The following LDLRAP1 variants were observed in gnomAD, a reference collection of about 807,000 sequenced individuals.
LDLRAP1 encodes low density lipoprotein receptor adapter protein 1.
In LDLRAP1, 30 loss-of-function variants were observed where a neutral mutation model predicts 37.8. The ratio of observed to expected loss-of-function variants is 0.79; its 90% CI spans 0.59 to 1.08. The LOEUF (loss-of-function observed/expected upper bound fraction) is 1.08, where lower values mean the gene tolerates loss of function less well. LDLRAP1 is among the 50% of genes least tolerant of loss of function. The pLI is 0.00. For synonymous variants in LDLRAP1, 156 were observed against 169.8 expected, an observed-to-expected ratio of 0.92 and a Z score of 0.63; for missense variants, 375 against 401.6, an observed-to-expected ratio of 0.93 and a Z score of 0.57.
At chr1:25,572,347 C>T (rs996370905), downstream of LDLRAP1, among the ~76,000 whole-genome samples, 6 of 152,156 alleles carry the variant, frequency 3.9e-5, no homozygotes, top group African/African-American at 1.4e-4. Flanking sequence ...GCTGTCAGAC[C>T]CTTCCTGTGA....
chr1:25,576,695 G>A, the LDLRAP1 span, among the ~76,000 whole-genome samples: 1 of 152,226 alleles, frequency 6.6e-6, no homozygotes, highest in Admixed American at 6.5e-5. Flanking sequence ...AGAAAGGAAC[G>A]GGGCCAAGAT....
At chr1:25,572,211 G>C (rs1057106973), downstream of LDLRAP1, among the ~76,000 whole-genome samples, 1 of 152,206 alleles carries the variant, frequency 6.6e-6, no homozygotes, top group Non-Finnish European at 1.5e-5. Flanking sequence ...GGCACAGAGT[G>C]GCCATCAGTG....
At chr1:25,563,178 T>C (rs2044388074) in intron 6 of LDLRAP1, 25 bp downstream of exon 6, 6 of 1,607,760 alleles carry the variant, frequency 3.7e-6, no homozygotes, top group East Asian at 2.2e-5. Flanking sequence ...GGAAGGGGGA[T>C]TGGCCATGCG....
chr1:25,565,827 C>CCCTTT (rs1450906903), intron 8 of LDLRAP1, among the ~76,000 whole-genome samples: 6 of 152,194 alleles, frequency 3.9e-5, no homozygotes, highest in African/African-American at 1.4e-4. Flanking sequence ...TGTCAGGCCT[C>CCCTTT]CCTTTCTCAC....
the LDLRAP1 span, among the ~76,000 whole-genome samples, chr1:25,575,787 G>A: frequency 1.3e-5 from 2 of 152,162 alleles, no homozygotes; most frequent in Non-Finnish European, 2.9e-5. Flanking sequence ...GACCCCATGG[G>A]CTTCTCACAA....
rs117614534 is a variant in LDLRAP1 at position 25,567,588 on chromosome 1, C to T, written c.*596C>T. The T allele has an allele frequency of 3.0e-3, 571 of 188,548 alleles. 5 individuals are homozygous for T. The highest frequency in any genetic ancestry group is 0.018 in the Admixed American group (325 of 18,384). 11.7% of individuals were successfully genotyped at this position (188,548 alleles called of 1,614,324 possible). A position where few individuals can be genotyped will look rare whatever the true frequency, so the allele number is the denominator to read the frequency against. On this transcript the variant is annotated 3_prime_UTR_variant, in exon 9 of 9. Transcript: ENST00000374338. ...CTAAGGGGCAGCTCCTGACCAAAGACGATACAGCTTGGCACTTTAAAGCAT... is the reference window on the plus strand; with the variant it reads ...CTAAGGGGCAGCTCCTGACCAAAGATGATACAGCTTGGCACTTTAAAGCAT...
intron 1 of LDLRAP1, among the ~76,000 whole-genome samples, chr1:25,549,556 C>G (rs1303704868): frequency 6.6e-6 from 1 of 152,222 alleles, no homozygotes; most frequent in Non-Finnish European, 1.5e-5. Flanking sequence ...CCAGCTAACT[C>G]CAGCAGCAGG....
At chr1:25,557,052 T>C (rs939562663) in intron 3 of LDLRAP1, 101 bp from the exon 4 acceptor site, 3 of 848,506 alleles carry the variant, frequency 3.5e-6, no homozygotes, top group Admixed American at 3.7e-5. Context: ...GGAGTGGGAA[T>C]AGCAGGTTCT....
chr1:25,571,782 C>G (rs974785864), downstream of LDLRAP1, among the ~76,000 whole-genome samples: 3 of 152,214 alleles, frequency 2.0e-5, no homozygotes, highest in African/African-American at 7.2e-5. Context: ...AAGTGTCCAG[C>G]ACAGAGGTAC....
Position 25,563,166 on chromosome 1 carries a change from G to A in LDLRAP1, c.616+13G>A, listed in dbSNP as rs754411710. On this transcript the variant is annotated intron_variant, in intron 6 of 8. Transcript: ENST00000374338. ...TCCTTGAAGAGCTGTGAGTCCTGAC[G>A]GGGAAGGGGGATTGGCCATGCGGTG... is the stretch of plus-strand genomic sequence containing the variant. The A allele has an allele frequency of 1.6e-5, 25 of 1,612,174 alleles. No homozygotes were observed. In the East Asian group the frequency reaches 2.9e-4, roughly 19 times the overall value.
rs2043855585 is a variant in LDLRAP1 at position 25,543,684 on chromosome 1, C to G, written c.-15C>G. 6 of 1,213,038 alleles carry G rather than the reference C, an allele frequency of 4.9e-6. No homozygotes were observed. The South Asian group carries it at 2.0e-4, about 41-fold the overall frequency. The allele number at this position is 1,213,038 out of a possible 1,614,324, so 75.1% of individuals were successfully genotyped here. On this transcript the variant is annotated 5_prime_UTR_variant, in exon 1 of 9. Transcript: ENST00000374338. ...GTTTTGGCTGCGGCAGCGGCGGCGG[C>G]GGCCGGAGCGGGCCATGGACGCGCT... is the stretch of plus-strand genomic sequence containing the variant.
At chr1:25,576,421 G>A in the LDLRAP1 span, among the ~76,000 whole-genome samples, 365 of 152,256 alleles carry the variant, frequency 2.4e-3, 5 homozygotes, top group African/African-American at 8.3e-3. Context: ...AGCTACTGGG[G>A]AGGCTGGGGC....
chr1:25,575,743 G>A, the LDLRAP1 span, among the ~76,000 whole-genome samples: 2 of 152,328 alleles, frequency 1.3e-5, no homozygotes, highest in Admixed American at 6.5e-5. Context: ...CACTGAGTAT[G>A]TGCCCAGCCC....
At chr1:25,558,458 G>A (rs2044262828) in intron 4 of LDLRAP1, among the ~76,000 whole-genome samples, 1 of 152,192 alleles carries the variant, frequency 6.6e-6, no homozygotes, top group African/African-American at 2.4e-5. Flanking sequence ...CTCTTATGGA[G>A]AAGAAAAATG....
intron 1 of LDLRAP1, among the ~76,000 whole-genome samples, chr1:25,547,486 T>TAATAAATAAATAAATA (rs71014373): frequency 7.5e-5 from 11 of 145,752 alleles, no homozygotes; most frequent in African/African-American, 2.1e-4. Flanking sequence ...TTGTCTCAAA[T>TAATAAATAAATAAATA]AATAAATAAA....
At chr1:25,578,151 C>CCT in the LDLRAP1 span, among the ~76,000 whole-genome samples, 2 of 151,488 alleles carry the variant, frequency 1.3e-5, no homozygotes, top group East Asian at 1.9e-4. Flanking sequence ...AGAGTTATTT[C>CCT]CTCTCTCTCT....
chr1:25,561,697 A>C (rs1464706676), intron 4 of LDLRAP1, among the ~76,000 whole-genome samples: 1 of 152,146 alleles, frequency 6.6e-6, no homozygotes, highest in Non-Finnish European at 1.5e-5. Flanking sequence ...TGTTGAGATG[A>C]ATATGGGCTG....
chr1:25,573,645 G>A (rs574815565), downstream of LDLRAP1, among the ~76,000 whole-genome samples: 4 of 152,328 alleles, frequency 2.6e-5, no homozygotes, highest in South Asian at 2.1e-4. Context: ...AGGTTAGCCC[G>A]GAGAAAACCT....
intron 1 of LDLRAP1, among the ~76,000 whole-genome samples, chr1:25,550,656 G>C (rs2044050370): frequency 6.6e-6 from 1 of 152,186 alleles, no homozygotes; most frequent in South Asian, 2.1e-4. Flanking sequence ...TGGGTGGGGT[G>C]AGGAGAGTCC....
Sources: allele counts gnomAD v4.1 joint callset (sites outside exome capture counted in the v4.1 genomes callset), GRCh38; gene constraint gnomAD v4.1.1; transcripts MANE v1.5; gene names NCBI Gene and HGNC (gene_info 2026-07-23, HGNC 2026-07-21).